Variants in SGCZ observed in about 807,000 individuals in gnomAD.
SGCZ encodes zeta-sarcoglycan.
Under a neutral mutation model 41.3 loss-of-function variants are expected in SGCZ, and 40 were observed. The observed-to-expected ratio is 0.97, with a 90% CI of 0.75 to 1.26. The LOEUF (loss-of-function observed/expected upper bound fraction) is 1.26, where lower values mean the gene tolerates loss of function less well. Among genes scored for constraint, SGCZ ranks in the 50% most tolerant of loss-of-function variants. SGCZ has a pLI of 0.00. For missense variants in SGCZ, 552 were observed against 369.8 expected, an observed-to-expected ratio of 1.49 and a Z score of -4.04; for synonymous variants, 206 against 137.5, an observed-to-expected ratio of 1.50 and a Z score of -3.49.
intron 1 of SGCZ, among the ~76,000 whole-genome samples, chr8:14,932,197 A>C (rs943375227): frequency 1.3e-5 from 2 of 151,988 alleles, no homozygotes; most frequent in African/African-American, 4.8e-5. Context: ...TGCCCCTAAT[A>C]AAATTAAACA....
intron 3 of SGCZ, among the ~76,000 whole-genome samples, chr8:14,275,766 C>T (rs2117274755): frequency 6.6e-6 from 1 of 152,236 alleles, no homozygotes; most frequent in Middle Eastern, 3.4e-3. Context: ...GCAATGGAAT[C>T]CTTCTACTGC....
At chr8:14,536,564 G>A (rs1240262073) in intron 2 of SGCZ, among the ~76,000 whole-genome samples, 1 of 151,700 alleles carries the variant, frequency 6.6e-6, no homozygotes. Context: ...AGGAATTTTA[G>A]AGGAATTTCT....
intron 5 of SGCZ, among the ~76,000 whole-genome samples, chr8:14,130,897 C>T (rs1400021003): frequency 1.3e-5 from 2 of 152,118 alleles, no homozygotes; most frequent in Admixed American, 6.6e-5. Context: ...AATCCAGTTG[C>T]ATAAAAAATA....
intron 3 of SGCZ, among the ~76,000 whole-genome samples, chr8:14,284,242 G>C (rs1357577579): frequency 6.6e-6 from 1 of 152,102 alleles, no homozygotes; most frequent in African/African-American, 2.4e-5. Flanking sequence ...CATTTGAAAA[G>C]TTCGCCAAGG....
intron 1 of SGCZ, among the ~76,000 whole-genome samples, chr8:15,067,019 T>C (rs1330217717): frequency 6.6e-6 from 1 of 152,206 alleles, no homozygotes; most frequent in Non-Finnish European, 1.5e-5. Context: ...GATATTGAAA[T>C]AAACATGAAC....
chr8:15,235,054 A>G (rs1276138529), intron 1 of SGCZ, among the ~76,000 whole-genome samples: 1 of 152,180 alleles, frequency 6.6e-6, no homozygotes, highest in Non-Finnish European at 1.5e-5. Context: ...AAAACATGCA[A>G]ATAATGCCAA....
intron 2 of SGCZ, among the ~76,000 whole-genome samples, chr8:14,543,828 G>C (rs1218481436): frequency 6.6e-6 from 1 of 152,170 alleles, no homozygotes; most frequent in Non-Finnish European, 1.5e-5. Flanking sequence ...TTCGGACTGA[G>C]TTCAAATTCT....
intron 1 of SGCZ, among the ~76,000 whole-genome samples, chr8:14,820,661 G>A (rs1802048532): frequency 6.6e-6 from 1 of 151,972 alleles, no homozygotes; most frequent in African/African-American, 2.4e-5. Flanking sequence ...CCACCATGGT[G>A]TAAAACTAGA....
rs972371392 is a variant in SGCZ, at chr8:14,088,573, C to G, written c.*1870G>C. Among the ~76,000 whole-genome samples, 1 of 151,716 alleles carries G rather than the reference C, an allele frequency of 6.6e-6. No individual in the cohort carries two copies. The highest frequency in any genetic ancestry group is 6.6e-5 in the Admixed American group (1 of 15,190). ...CTCTTATTTTAATATAAATTAAACTCTTGTGTTATAACTTTGTAAGCAATC... is the reference window on the plus strand; with the variant it reads ...CTCTTATTTTAATATAAATTAAACTGTTGTGTTATAACTTTGTAAGCAATC... On this transcript the variant is annotated 3_prime_UTR_variant, in exon 8 of 8. Coordinates refer to ENST00000382080, the MANE Select transcript of SGCZ (RefSeq NM_139167.4).
intron 1 of SGCZ, among the ~76,000 whole-genome samples, chr8:15,043,509 T>C (rs1345505866): frequency 1.3e-5 from 2 of 152,126 alleles, no homozygotes; most frequent in South Asian, 2.1e-4. Context: ...ATTGCTACTC[T>C]GAGTTAAATT....
intron 4 of SGCZ, among the ~76,000 whole-genome samples, chr8:14,170,780 G>A (rs535825629): frequency 4.1e-4 from 62 of 151,948 alleles, no homozygotes; most frequent in African/African-American, 1.0e-3. Context: ...ATAGGTACAC[G>A]TCCTTTTTGA....
chr8:14,333,927 T>C (rs955481880), intron 2 of SGCZ, among the ~76,000 whole-genome samples: 1 of 152,150 alleles, frequency 6.6e-6, no homozygotes, highest in East Asian at 1.9e-4. Context: ...AAAGATTCAG[T>C]TGCGTCCTAA....
Position 15,177,338 on chromosome 8 carries a change from G to A in SGCZ, c.39+60247C>T, listed in dbSNP as rs570256600. ...CAGCAGCTGATGGATAACGAAAGAG[G>A]AAACCAGGCAGCTGGTGGGCTAAAA... On this transcript the variant is annotated intron_variant, in intron 1 of 7. Coordinates refer to ENST00000382080, the MANE Select transcript of SGCZ (RefSeq NM_139167.4). Among the ~76,000 whole-genome samples the A allele has an allele frequency of 2.0e-5, 3 of 152,308 alleles. No individual in the cohort carries two copies. In the East Asian group the frequency reaches 5.8e-4, roughly 30 times the overall value.
chr8:14,109,557 A>C (rs1168875424), intron 5 of SGCZ, among the ~76,000 whole-genome samples: 1 of 152,192 alleles, frequency 6.6e-6, no homozygotes, highest in Admixed American at 6.5e-5. Context: ...ATGTAATTTA[A>C]AAATATGTAT....
chr8:14,809,205 A>C lies in SGCZ; in HGVS notation c.40-254279T>G, dbSNP rs111852212. Among the ~76,000 whole-genome samples, 1,004 of 152,294 alleles carry C rather than the reference A, an allele frequency of 6.6e-3. 9 individuals carry two copies. Among genetic ancestry groups the C allele is most frequent in the African/African-American group, 0.022 (917 of 41,548 alleles). ...TGTAACTAAGCTGCACAATGTGCAC[A>C]TGTACCCTAAAACTTAAAGTATAAT... is the stretch of plus-strand genomic sequence containing the variant. On this transcript the variant is annotated intron_variant, in intron 1 of 7. Transcript: ENST00000382080.
At chr8:15,081,837 AG>A (rs1177800090) in intron 1 of SGCZ, among the ~76,000 whole-genome samples, 2 of 152,224 alleles carry the variant, frequency 1.3e-5, no homozygotes, top group African/African-American at 4.8e-5. Flanking sequence ...AGAGATACAA[AG>A]GAACAGATCA....
rs1800382071 is a variant in SGCZ at position 14,944,640 on chromosome 8, G to C, written c.39+292945C>G. Among the ~76,000 whole-genome samples, 4 of 152,264 alleles carry C rather than the reference G, an allele frequency of 2.6e-5. No homozygotes were observed. In the South Asian group the frequency reaches 8.3e-4, roughly 32 times the overall value. On this transcript the variant is annotated intron_variant, in intron 1 of 7. Transcript: ENST00000382080. ...CAAGGATAAGTTATTTAAGTTGTAT[G>C]AATAGCTGTAAATACATTCACTTAT... is the stretch of plus-strand genomic sequence containing the variant.
chr8:15,159,332 G>GA (rs77380784), intron 1 of SGCZ, among the ~76,000 whole-genome samples: 29,678 of 151,814 alleles, frequency 0.2, 3,439 homozygotes, highest in East Asian at 0.47. Context: ...ATAAGAAACT[G>GA]AAAAAAACAT....
At chr8:15,087,977 T>C (rs945977942) in intron 1 of SGCZ, among the ~76,000 whole-genome samples, 2 of 148,924 alleles carry the variant, frequency 1.3e-5, no homozygotes, top group Non-Finnish European at 1.5e-5. Context: ...CCACCATTAC[T>C]ATATACCTCA....
Sources: allele counts gnomAD v4.1 joint callset (sites outside exome capture counted in the v4.1 genomes callset), GRCh38; gene constraint gnomAD v4.1.1; transcripts MANE v1.5; gene names NCBI Gene and HGNC (gene_info 2026-07-23, HGNC 2026-07-21).